The following DLGAP2 variants were observed in gnomAD, a reference collection of about 807,000 sequenced individuals.
The protein encoded by DLGAP2 is DLG associated protein 2.
DLGAP2 carries 26 observed loss-of-function variants against 100.3 expected under a neutral mutation model. The observed-to-expected ratio is 0.26, with a 90% CI of 0.19 to 0.36. The LOEUF is 0.36. Ranked by LOEUF, DLGAP2 falls within the 10% of genes least tolerant of loss-of-function variation. The pLI is 1.00. For synonymous variants in DLGAP2, 886 were observed against 630.1 expected (o/e 1.41, Z -6.08); for missense variants, 1,858 against 1,453.2 (o/e 1.28, Z -4.53).
intron 2 of DLGAP2, among the ~76,000 whole-genome samples, chr8:1,212,825 TGAATAA>T (rs1354048213): frequency 3.6e-5 from 5 of 139,794 alleles, no homozygotes; most frequent in Admixed American, 2.4e-4. Flanking sequence ...TTCATGTTTC[TGAATAA>T]GAATGACATG....
intron 6 of DLGAP2, among the ~76,000 whole-genome samples, chr8:1,568,761 T>C (rs77804551): frequency 4.1e-5 from 5 of 121,104 alleles, no homozygotes; most frequent in Admixed American, 1.7e-4. Flanking sequence ...CATGCCACTG[T>C]CCACTCAGCA....
intron 1 of DLGAP2, among the ~76,000 whole-genome samples, chr8:865,182 C>T (rs1158561953): frequency 6.6e-6 from 1 of 152,228 alleles, no homozygotes; most frequent in South Asian, 2.1e-4. Context: ...GGTGCCCTCG[C>T]TGGACACGCT....
chr8:1,249,555 T>A (rs150607757), intron 2 of DLGAP2, among the ~76,000 whole-genome samples: 1 of 152,324 alleles, frequency 6.6e-6, no homozygotes, highest in East Asian at 1.9e-4. Flanking sequence ...GAAACTAGAA[T>A]AATTCCTTAT....
At chr8:1,599,936 C>T (rs189785060) in intron 6 of DLGAP2, among the ~76,000 whole-genome samples, 1 of 152,046 alleles carries the variant, frequency 6.6e-6, no homozygotes, top group East Asian at 1.9e-4. Flanking sequence ...GGTTATTTTG[C>T]CCATTAATTG....
intron 2 of DLGAP2, among the ~76,000 whole-genome samples, chr8:1,245,449 G>C (rs1344921229): frequency 1.3e-5 from 2 of 152,218 alleles, no homozygotes; most frequent in Non-Finnish European, 2.9e-5. Context: ...CTGTGACACA[G>C]ACGAACCTCA....
chr8:1,541,110 C>T (rs1427566369), intron 4 of DLGAP2, among the ~76,000 whole-genome samples: 1 of 152,166 alleles, frequency 6.6e-6, no homozygotes, highest in Non-Finnish European at 1.5e-5. Context: ...CAATTCCAGC[C>T]TTGGAAATTT....
At chr8:1,476,166 G>A (rs1001436331) in intron 3 of DLGAP2, among the ~76,000 whole-genome samples, 1 of 152,180 alleles carries the variant, frequency 6.6e-6, no homozygotes, top group Non-Finnish European at 1.5e-5. Context: ...GACTCCCACC[G>A]ACTTCATGAG....
chr8:1,455,759 A>G (rs1798294916), intron 3 of DLGAP2, among the ~76,000 whole-genome samples: 1 of 152,050 alleles, frequency 6.6e-6, no homozygotes, highest in African/African-American at 2.4e-5. Flanking sequence ...CCTGACCCTC[A>G]CCCCAGCTGC....
chr8:865,292 G>A (rs1743110170), intron 1 of DLGAP2, among the ~76,000 whole-genome samples: 2 of 152,246 alleles, frequency 1.3e-5, no homozygotes, highest in South Asian at 4.2e-4. Context: ...CCAAATGACA[G>A]AGAGGAGAGT....
intron 3 of DLGAP2, among the ~76,000 whole-genome samples, chr8:1,293,324 C>A (rs1027614805): frequency 6.6e-6 from 1 of 152,142 alleles, no homozygotes; most frequent in East Asian, 1.9e-4. Flanking sequence ...GCTGGGCTCC[C>A]GGACGGCTGA....
At chr8:1,491,253 A>G (rs1397138456) in intron 3 of DLGAP2, among the ~76,000 whole-genome samples, 2 of 152,044 alleles carry the variant, frequency 1.3e-5, no homozygotes, top group Admixed American at 6.5e-5. Flanking sequence ...CTGGCGTCCC[A>G]GGTTGCCTGG....
intron 3 of DLGAP2, among the ~76,000 whole-genome samples, chr8:1,323,020 G>A (rs1050412882): frequency 1.3e-5 from 2 of 150,892 alleles, no homozygotes; most frequent in East Asian, 3.9e-4. Context: ...TGTTGACACT[G>A]TTAAACTCAC....
intron 3 of DLGAP2, among the ~76,000 whole-genome samples, chr8:1,437,014 C>A (rs1047485747): frequency 7.9e-5 from 12 of 152,096 alleles, no homozygotes; most frequent in Admixed American, 5.2e-4. Flanking sequence ...AGGGGCGACG[C>A]CATCCGGGTC....
chr8:841,294 C>G (rs994897716), intron 1 of DLGAP2, among the ~76,000 whole-genome samples: 1 of 152,186 alleles, frequency 6.6e-6, no homozygotes, highest in Non-Finnish European at 1.5e-5. Flanking sequence ...CATCTCAGTG[C>G]ATTGTGATGG....
intron 1 of DLGAP2, among the ~76,000 whole-genome samples, chr8:857,744 C>T (rs1159831860): frequency 1.3e-5 from 2 of 152,178 alleles, no homozygotes; most frequent in Non-Finnish European, 2.9e-5. Context: ...CAAAATGGTG[C>T]AGCCACACTG....
At chr8:1,599,764 T>C (rs1355863350) in intron 6 of DLGAP2, among the ~76,000 whole-genome samples, 1 of 152,178 alleles carries the variant, frequency 6.6e-6, no homozygotes, top group Non-Finnish European at 1.5e-5. Flanking sequence ...AGCCTATGTG[T>C]GTCTTTGTAC....
At chr8:1,536,451 G>T (rs1801157060) in intron 4 of DLGAP2, among the ~76,000 whole-genome samples, 1 of 152,112 alleles carries the variant, frequency 6.6e-6, no homozygotes, top group Non-Finnish European at 1.5e-5. Context: ...ACAGAGGCAG[G>T]TGCATTAAAA....
intron 2 of DLGAP2, among the ~76,000 whole-genome samples, chr8:1,127,391 G>A (rs1212413100): frequency 6.6e-6 from 1 of 151,986 alleles, no homozygotes; most frequent in African/African-American, 2.4e-5. Context: ...TGCATATGGA[G>A]GCCCATTCAC....
rs145029805 is a variant in DLGAP2 at position 813,689 on chromosome 8, T to A, written c.18+75864T>A. On this transcript the variant is annotated intron_variant, in intron 1 of 14. Transcript: ENST00000637795. ...GGGGCCTGCTCTGCTGAACTTTTTG[T>A]CTCTAGCACAAAAGTGGGGGCACTT... 1.9e-3 allele frequency among the ~76,000 whole-genome samples: 284 copies of A among 152,258 alleles called. 1 individual carries two copies. The highest frequency in any genetic ancestry group is 6.6e-3 in the African/African-American group (273 of 41,536).
Sources: allele counts gnomAD v4.1 joint callset (sites outside exome capture counted in the v4.1 genomes callset), GRCh38; gene constraint gnomAD v4.1.1; transcripts MANE v1.5; gene names NCBI Gene and HGNC (gene_info 2026-07-23, HGNC 2026-07-21).